Variants in ZNF587 observed in about 807,000 individuals in gnomAD.
The protein encoded by ZNF587 is zinc finger protein zfp6.
In ZNF587, 8 loss-of-function variants were observed where a neutral mutation model predicts 7.5. That is an observed-to-expected ratio of 1.06 (90% CI 0.62 to 1.92). The LOEUF (loss-of-function observed/expected upper bound fraction) is 1.92, where lower values mean the gene tolerates loss of function less well. ZNF587 is among the 40% of genes most tolerant of loss of function. The pLI is 0.00. For synonymous variants in ZNF587, 145 were observed against 237.8 expected (o/e 0.61, Z 3.59); for missense variants, 468 against 692.8 (o/e 0.68, Z 3.64).
chr19:57,850,693 G>A (rs2071270706), intron 1 of ZNF587: 2 of 397,320 alleles, frequency 5.0e-6, no homozygotes, highest in South Asian at 2.8e-4. Flanking sequence ...GGCGGGTCCA[G>A]GTGGCCAGAG....
chr19:57,852,361 T>A, intron 1 of ZNF587: 1 of 398,590 alleles, frequency 2.5e-6, no homozygotes, highest in Admixed American at 4.4e-5. Flanking sequence ...GGCTACAGGC[T>A]TCATCTGGCT....
Position 57,863,757 on chromosome 19 carries a change from A to C in ZNF587, c.*3617A>C, listed in dbSNP as rs181094080. 89 of 152,090 alleles carry C rather than the reference A, an allele frequency of 5.9e-4. No individual in the cohort carries two copies. Among genetic ancestry groups the C allele is most frequent in the African/African-American group, 2.0e-3 (85 of 41,516 alleles). 9.4% of individuals were successfully genotyped at this position (152,090 alleles called of 1,614,324 possible). A position where few individuals can be genotyped will look rare whatever the true frequency, so the allele number is the denominator to read the frequency against. ...TGGCAAGATAATCAGCTATATGAAG[A>C]ATCTTGGCCAGGTGTGGTGGCTGAG... On this transcript the variant is annotated 3_prime_UTR_variant, in exon 3 of 3. Transcript: ENST00000339656.
At position 57,860,029 on chromosome 19, in the gene ZNF587, G is replaced by C; in HGVS notation, c.1617G>C (p.Arg539Ser). ...FSECSSLIKH[R>S]RIHTGERPYE... is the part of the protein sequence containing the mutation. ...AATGTTCCAGTCTCATTAAACACAGGAGAATTCACACTGGAGAAAGGCCTT... is the reference window on the plus strand; with the variant it reads ...AATGTTCCAGTCTCATTAAACACAGCAGAATTCACACTGGAGAAAGGCCTT... The change falls in exon 3 of 3, where the codon AGG becomes AGC. Residue 539 changes from arginine (R) to serine (S), a missense_variant. This residue lies in a region of ZNF587 where 310 missense variants were observed against 325.6 expected (regional missense o/e 0.95). Coordinates refer to ENST00000339656, the MANE Select transcript of ZNF587 (RefSeq NM_032828.4). 1 of 1,614,142 alleles carries C rather than the reference G, an allele frequency of 6.2e-7. No individual in the cohort carries two copies. Among genetic ancestry groups the C allele is most frequent in the Non-Finnish European group, 8.5e-7 (1 of 1,180,008 alleles).
Position 57,860,937 on chromosome 19 carries a change from A to G in ZNF587, c.*797A>G, listed in dbSNP as rs1287935917. 2 of 152,174 alleles carry G rather than the reference A, an allele frequency of 1.3e-5. No individual in the cohort carries two copies. The allele number at this position is 152,174 out of a possible 1,614,324, so 9.4% of individuals were successfully genotyped here. On this transcript the variant is annotated 3_prime_UTR_variant, in exon 3 of 3. Coordinates refer to ENST00000339656, the MANE Select transcript of ZNF587 (RefSeq NM_032828.4). ...AGGTGGCATGATTTCGGCTCACTGCAACCTCTGCCTCCCAAGTTCAACTGA... is the reference window on the plus strand; with the variant it reads ...AGGTGGCATGATTTCGGCTCACTGCGACCTCTGCCTCCCAAGTTCAACTGA...
At position 57,850,850 on chromosome 19, in the gene ZNF587, T is replaced by TAAGATGTAA. The variant is rs1485449394; in HGVS notation, c.33+781_33+789dup. ...AAAGGAGAACTCGTGAGTCATTCCA[T>TAAGATGTAA]AAGATGTAAAGCACTGGCCGTTTCT... On this transcript the variant is annotated intron_variant, in intron 1 of 2. Coordinates refer to ENST00000339656, the MANE Select transcript of ZNF587 (RefSeq NM_032828.4). 6.4e-5 allele frequency: 20 copies of TAAGATGTAA among 314,620 alleles called. No homozygotes were observed. In the East Asian group the frequency reaches 9.8e-4, roughly 15 times the overall value. 19.5% of individuals were successfully genotyped at this position (314,620 alleles called of 1,614,324 possible).
chr19:57,850,452 G>A (rs1217364847), intron 1 of ZNF587: 16 of 505,120 alleles, frequency 3.2e-5, no homozygotes, highest in Non-Finnish European at 3.8e-5. Flanking sequence ...GGATTCATAG[G>A]GGGTTAAAGT....
chr19:57,850,538 C>G, intron 1 of ZNF587: 1 of 453,028 alleles, frequency 2.2e-6, no homozygotes, highest in Non-Finnish European at 3.9e-6. Flanking sequence ...TGTGTGTTGT[C>G]CGCTGATCCA....
intron 1 of ZNF587, among the ~76,000 whole-genome samples, chr19:57,855,313 C>G (rs557167000): frequency 6.6e-6 from 1 of 152,222 alleles, no homozygotes; most frequent in Admixed American, 6.5e-5. Flanking sequence ...TTCCTGCACT[C>G]CAGCCTGGGT....
Position 57,850,084 on chromosome 19 carries a change from C to T in ZNF587, c.33+13C>T, listed in dbSNP as rs143135812. On this transcript the variant is annotated intron_variant, in intron 1 of 2. Transcript: ENST00000339656. ...GCGCCCAACTCAGGTAATTGTGGTGCCTTCTGTGCCCTCAGGTCACCCCAT... is the reference window on the plus strand; with the variant it reads ...GCGCCCAACTCAGGTAATTGTGGTGTCTTCTGTGCCCTCAGGTCACCCCAT... 5.6e-6 allele frequency: 9 copies of T among 1,614,254 alleles called. No homozygotes were observed. Among genetic ancestry groups the T allele is most frequent in the Non-Finnish European group, 5.9e-6 (7 of 1,180,050 alleles).
At chr19:57,854,486 A>C (rs1320059594) in intron 1 of ZNF587, among the ~76,000 whole-genome samples, 2 of 151,990 alleles carry the variant, frequency 1.3e-5, no homozygotes, top group Non-Finnish European at 2.9e-5. Context: ...AAGGCCCAAT[A>C]TGATGTGTCA....
Position 57,862,862 on chromosome 19 carries a change from CCAAAAA to C in ZNF587, c.*2725_*2730del. 1 of 155,124 alleles carries C rather than the reference CCAAAAA, an allele frequency of 6.4e-6. No individual in the cohort carries two copies. Among genetic ancestry groups the C allele is most frequent in the Middle Eastern group, 5.2e-4 (1 of 1,928 alleles). 9.6% of individuals were successfully genotyped at this position (155,124 alleles called of 1,614,324 possible). On this transcript the variant is annotated 3_prime_UTR_variant, in exon 3 of 3. Coordinates refer to ENST00000339656, the MANE Select transcript of ZNF587 (RefSeq NM_032828.4). Reference sequence around the variant, plus strand: ...GAATTATTCTTCCTCTTATGGCTGACCAAAAACATGGAACCTCACAAAGTCCACTGT... The same window carrying C: ...GAATTATTCTTCCTCTTATGGCTGACCATGGAACCTCACAAAGTCCACTGT...
chr19:57,852,324 G>T (rs2071291227), intron 1 of ZNF587: 2 of 398,590 alleles, frequency 5.0e-6, no homozygotes, highest in South Asian at 2.5e-4. Context: ...ATCAAAGTCA[G>T]GAGGTGATAT....
In ZNF587 at chr19:57,859,009, T is replaced by G; in HGVS notation, c.597T>G (p.Thr199=). The G allele has an allele frequency of 6.2e-7, 1 of 1,612,650 alleles. No individual in the cohort carries two copies. The highest frequency in any genetic ancestry group is 8.5e-7 in the Non-Finnish European group (1 of 1,179,642). The change falls in exon 3 of 3, where the codon ACT becomes ACG. Residue 199 remains threonine, a synonymous_variant. Coordinates refer to ENST00000339656, the MANE Select transcript of ZNF587 (RefSeq NM_032828.4). ...EAAVEKTDSE[T]MHGPPFQEGK... ...CTGTAGAGAAGACAGACAGTGAAAC[T>G]ATGCATGGCCCACCCTTTCAGGAGG...
In ZNF587 at chr19:57,859,816, A is replaced by G. The variant is rs767949569; in HGVS notation, c.1404A>G (p.Val468=). ...HTGERPYACE[V]CGKLFGNKHS... is the part of the protein sequence containing the mutation. ...GAGAAAGGCCATATGCGTGTGAGGT[A>G]TGTGGGAAATTATTTGGCAATAAGC... Residue 468 remains valine (V), a synonymous_variant, in exon 3 of 3, where the codon GTA becomes GTG. Transcript: ENST00000339656. 5 of 1,614,222 alleles carry G rather than the reference A, an allele frequency of 3.1e-6. No homozygotes were observed. The highest frequency in any genetic ancestry group is 4.2e-6 in the Non-Finnish European group (5 of 1,180,028).
intron 2 of ZNF587, 198 bp from the exon 3 acceptor site, chr19:57,858,378 C>T (rs2071392353): frequency 1.3e-5 from 14 of 1,112,634 alleles, no homozygotes; most frequent in Non-Finnish European, 1.6e-5. Context: ...CCACCCGCCT[C>T]AGCCTCCCAA....
intron 1 of ZNF587, among the ~76,000 whole-genome samples, chr19:57,855,793 C>T (rs1425383162): frequency 7.2e-5 from 11 of 152,306 alleles, no homozygotes; most frequent in Middle Eastern, 3.4e-3. Flanking sequence ...TATCCCCTGA[C>T]TGCAAGATCT....
At position 57,859,777 on chromosome 19, in the gene ZNF587, G is replaced by A. The variant is rs1278949366; in HGVS notation, c.1365G>A (p.Glu455=). 6.2e-7 allele frequency: 1 copy of A among 1,614,084 alleles called. No homozygotes were observed. Among genetic ancestry groups the A allele is most frequent in the Non-Finnish European group, 8.5e-7 (1 of 1,180,000 alleles). Residue 455 remains glutamate, a synonymous_variant, in exon 3 of 3, where the codon GAG becomes GAA. Transcript: ENST00000339656. ...FNRKYHLLVH[E]RVHTGERPYA... is the part of the protein sequence containing the mutation. ...GGAAGTATCATCTTCTGGTTCATGAGAGAGTTCACACTGGAGAAAGGCCAT... is the reference window on the plus strand; with the variant it reads ...GGAAGTATCATCTTCTGGTTCATGAAAGAGTTCACACTGGAGAAAGGCCAT...
In ZNF587 at chr19:57,850,051, G is replaced by A; in HGVS notation, c.13G>A (p.Val5Met). ...CCCAAGTAGTCCGATGGCAGCGGCT[G>A]TGCCGAGGCGCCCAACTCAGGTAAT... MAAA[V>M]PRRPTQQGTV... Residue 5 changes from valine to methionine, a missense_variant, in exon 1 of 3, where the codon GTG becomes ATG. Val to Met is a conservative substitution (Grantham distance 21, BLOSUM62 1). Coordinates refer to ENST00000339656, the MANE Select transcript of ZNF587 (RefSeq NM_032828.4). 3 of 1,614,288 alleles carry A rather than the reference G, an allele frequency of 1.9e-6. No homozygotes were observed. Among genetic ancestry groups the A allele is most frequent in the Non-Finnish European group, 2.5e-6 (3 of 1,180,062 alleles).
rs2071485521 is a variant in ZNF587, at chr19:57,864,752, G to A, written c.*4612G>A. 6.6e-6 allele frequency: 1 copy of A among 152,112 alleles called. No homozygotes were observed. Among genetic ancestry groups the A allele is most frequent in the African/African-American group, 2.4e-5 (1 of 41,422 alleles). The allele number at this position is 152,112 out of a possible 1,614,324, so 9.4% of individuals were successfully genotyped here. On this transcript the variant is annotated 3_prime_UTR_variant, in exon 3 of 3. Transcript: ENST00000339656. ...CAAACAAATTATGACCACACACACT[G>A]AAGAGTATGTTTGTCTCTTGTGGTG...
Sources: gnomAD v4.1 joint callset for allele counts (sites outside exome capture counted in the v4.1 genomes callset) on GRCh38, gnomAD v4.1.1 for gene constraint, gnomAD v4.1.1 regional missense constraint, MANE v1.5 for transcripts, NCBI Gene and HGNC (gene_info 2026-07-23, HGNC 2026-07-21) for gene names.